The following PCDH9 variants were observed in gnomAD, a reference collection of about 807,000 sequenced individuals.
The protein encoded by PCDH9 is protocadherin-9.
In PCDH9, 24 loss-of-function variants were observed where a neutral mutation model predicts 70.6. The ratio of observed to expected loss-of-function variants is 0.34; its 90% CI spans 0.25 to 0.48. The LOEUF is 0.48. Among genes scored for constraint, PCDH9 ranks in the 20% least tolerant of loss-of-function variants. PCDH9 has a pLI of 0.99. For synonymous variants in PCDH9, 562 were observed against 558.5 expected, an observed-to-expected ratio of 1.01 and a Z score of -0.09; for missense variants, 1,281 against 1,503.6, an observed-to-expected ratio of 0.85 and a Z score of 2.45.
At chr13:66,848,784 C>T (rs1302960721) in intron 3 of PCDH9, among the ~76,000 whole-genome samples, 2 of 151,746 alleles carry the variant, frequency 1.3e-5, no homozygotes, top group African/African-American at 2.4e-5. Flanking sequence ...AAAAATTAGC[C>T]GGGCAGGGTG....
intron 3 of PCDH9, among the ~76,000 whole-genome samples, chr13:66,652,072 A>G (rs1395808673): frequency 1.3e-5 from 2 of 152,064 alleles, no homozygotes; most frequent in African/African-American, 4.8e-5. Flanking sequence ...GAGAAAACCG[A>G]AAACCTTTCC....
chr13:66,976,253 A>T, intron 2 of PCDH9, among the ~76,000 whole-genome samples: 1 of 152,120 alleles, frequency 6.6e-6, no homozygotes, highest in East Asian at 1.9e-4. Flanking sequence ...AGTTTTAAAT[A>T]TTGGAGGAAA....
At chr13:66,873,525 T>C (rs1485616277) in intron 3 of PCDH9, among the ~76,000 whole-genome samples, 22 of 152,210 alleles carry the variant, frequency 1.4e-4, no homozygotes, top group Admixed American at 1.4e-3. Flanking sequence ...TCTCCCTCTT[T>C]GAAAGATTTG....
At chr13:66,332,355 A>G (rs1955959415) in intron 4 of PCDH9, among the ~76,000 whole-genome samples, 1 of 152,104 alleles carries the variant, frequency 6.6e-6, no homozygotes, top group South Asian at 2.1e-4. Context: ...GTCCATGATA[A>G]TCTTCATTTT....
chr13:66,360,851 G>A (rs1005575357), intron 4 of PCDH9, among the ~76,000 whole-genome samples: 4 of 152,018 alleles, frequency 2.6e-5, no homozygotes, highest in Non-Finnish European at 5.9e-5. Context: ...CAACTCACAG[G>A]AACTGAATCT....
At chr13:66,435,429 T>C (rs1172052719) in intron 4 of PCDH9, among the ~76,000 whole-genome samples, 1 of 152,180 alleles carries the variant, frequency 6.6e-6, no homozygotes, top group Non-Finnish European at 1.5e-5. Flanking sequence ...TAATTCAATA[T>C]AAAAGTATTA....
chr13:66,386,437 G>A (rs1432897778), intron 4 of PCDH9, among the ~76,000 whole-genome samples: 1 of 152,132 alleles, frequency 6.6e-6, no homozygotes, highest in Non-Finnish European at 1.5e-5. Flanking sequence ...GGTTGAACTG[G>A]TGAATTAAGT....
chr13:66,679,077 C>A (rs2078283168), intron 3 of PCDH9, among the ~76,000 whole-genome samples: 1 of 151,632 alleles, frequency 6.6e-6, no homozygotes, highest in African/African-American at 2.4e-5. Context: ...ATAATATACA[C>A]CTGTTCAAAC....
intron 2 of PCDH9, among the ~76,000 whole-genome samples, chr13:66,909,390 A>G (rs905665759): frequency 6.6e-6 from 1 of 152,152 alleles, no homozygotes; most frequent in African/African-American, 2.4e-5. Context: ...CTATGGATTC[A>G]GTGCAATCCC....
At chr13:66,701,194 T>G (rs1217210720) in intron 3 of PCDH9, among the ~76,000 whole-genome samples, 1 of 151,586 alleles carries the variant, frequency 6.6e-6, no homozygotes, top group Non-Finnish European at 1.5e-5. Context: ...TCTTCTGGAT[T>G]GAATAGTCTT....
chr13:66,832,610 ATT>A (rs2139410884), intron 3 of PCDH9, among the ~76,000 whole-genome samples: 1 of 152,218 alleles, frequency 6.6e-6, no homozygotes, highest in East Asian at 1.9e-4. Context: ...CTCATTATAT[ATT>A]TTCCTCCATA....
chr13:67,174,920 C>T (rs1347932338), intron 2 of PCDH9, among the ~76,000 whole-genome samples: 2 of 149,458 alleles, frequency 1.3e-5, no homozygotes, highest in African/African-American at 5.0e-5. Flanking sequence ...CTGCTTGAGC[C>T]CAGAGTTTGA....
At chr13:66,447,393 A>G (rs1958114706) in intron 4 of PCDH9, among the ~76,000 whole-genome samples, 1 of 152,068 alleles carries the variant, frequency 6.6e-6, no homozygotes, top group African/African-American at 2.4e-5. Context: ...CAAAAAATAT[A>G]ACTGGGAATA....
intron 2 of PCDH9, among the ~76,000 whole-genome samples, chr13:67,006,336 G>C (rs1027348656): frequency 1.3e-4 from 20 of 152,292 alleles, no homozygotes; most frequent in African/African-American, 4.6e-4. Flanking sequence ...GATTGTGCAG[G>C]AATGTATAAA....
intron 2 of PCDH9, among the ~76,000 whole-genome samples, chr13:67,033,073 T>C (rs575020387): frequency 6.6e-6 from 1 of 152,290 alleles, no homozygotes; most frequent in South Asian, 2.1e-4. Context: ...CCTTTCTATC[T>C]ACTTTCTCTT....
At chr13:66,325,211 T>C (rs1037819767) in intron 4 of PCDH9, among the ~76,000 whole-genome samples, 1 of 152,102 alleles carries the variant, frequency 6.6e-6, no homozygotes, top group African/African-American at 2.4e-5. Context: ...TAGTTTTATA[T>C]GAAACATATT....
At chr13:66,809,488 G>GA (rs2080466648) in intron 3 of PCDH9, among the ~76,000 whole-genome samples, 2 of 152,010 alleles carry the variant, frequency 1.3e-5, no homozygotes, top group African/African-American at 2.4e-5. Context: ...GTCAAAGTAC[G>GA]AAAAAATCAA....
chr13:66,790,911 C>T (rs1295325229), intron 3 of PCDH9, among the ~76,000 whole-genome samples: 1 of 152,088 alleles, frequency 6.6e-6, no homozygotes, highest in Non-Finnish European at 1.5e-5. Flanking sequence ...AATGTTGGCT[C>T]TCTGTAGGAG....
At chr13:66,968,129 G>A (rs972667117) in intron 2 of PCDH9, among the ~76,000 whole-genome samples, 2 of 152,032 alleles carry the variant, frequency 1.3e-5, no homozygotes. Context: ...GTCAGATAAA[G>A]TTTAAAAGAA....
Sources: gnomAD v4.1 joint callset for allele counts (sites outside exome capture counted in the v4.1 genomes callset) on GRCh38, gnomAD v4.1.1 for gene constraint, MANE v1.5 for transcripts, NCBI Gene and HGNC (gene_info 2026-07-23, HGNC 2026-07-21) for gene names.